The following ACSS1 variants were observed in gnomAD, a reference collection of about 807,000 sequenced individuals.
ACSS1 encodes acetyl-coenzyme A synthetase 2-like, mitochondrial.
Under a neutral mutation model 75.3 loss-of-function variants are expected in ACSS1, and 42 were observed. The ratio of observed to expected loss-of-function variants is 0.56; its 90% CI spans 0.44 to 0.72. The LOEUF (loss-of-function observed/expected upper bound fraction) is 0.72, where lower values mean the gene tolerates loss of function less well. ACSS1 is among the 30% of genes least tolerant of loss of function. The pLI, the probability that ACSS1 is intolerant of heterozygous loss-of-function variation, is 0.00. For missense variants in ACSS1, 782 were observed against 935.7 expected, an observed-to-expected ratio of 0.84 and a Z score of 2.14; for synonymous variants, 380 against 376.8, an observed-to-expected ratio of 1.01 and a Z score of -0.10.
rs2088463190 is a variant in ACSS1, at chr20:25,013,732, C to T, written c.1453-70G>A. 3.2e-6 allele frequency: 5 copies of T among 1,540,064 alleles called. No individual in the cohort carries two copies. In the South Asian group the frequency reaches 4.7e-5, roughly 15 times the overall value. On this transcript the variant is annotated intron_variant, in intron 9 of 13. Coordinates refer to ENST00000323482, the MANE Select transcript of ACSS1 (RefSeq NM_032501.4). ...GAGAAGTGTGCCAAAAAATGACAAG[C>T]CCTGCCCTCAAGGGAGCTGTCCATA...
intron 2 of ACSS1, among the ~76,000 whole-genome samples, chr20:25,033,116 C>T (rs1334204960): frequency 6.6e-6 from 1 of 151,620 alleles, no homozygotes; most frequent in African/African-American, 2.4e-5. Flanking sequence ...GCTGGGGTGG[C>T]CTGTGACCGG....
chr20:25,055,815 C>T (rs1393744471), intron 1 of ACSS1, among the ~76,000 whole-genome samples: 2 of 152,158 alleles, frequency 1.3e-5, no homozygotes, highest in Non-Finnish European at 2.9e-5. Flanking sequence ...ACAGATCAGA[C>T]CAAAGTGTTC....
At chr20:25,031,784 G>C (rs747159609) in intron 2 of ACSS1, among the ~76,000 whole-genome samples, 2 of 152,200 alleles carry the variant, frequency 1.3e-5, no homozygotes, top group Non-Finnish European at 2.9e-5. Context: ...AGTGTCTGAG[G>C]CATAGATCAT....
In ACSS1 at chr20:25,037,041, G is replaced by GAA. The variant is rs1253876119; in HGVS notation, c.432-6084_432-6083insTT. The stretch of plus-strand genomic sequence containing the variant: ...GGAAGGAAGGAAGGAAAGAAAGAAA[G>GAA]AGGGAAAGAAAGAAATTGAGAATGC... On this transcript the variant is annotated intron_variant, in intron 2 of 13. Coordinates refer to ENST00000323482, the MANE Select transcript of ACSS1 (RefSeq NM_032501.4). Among the ~76,000 whole-genome samples, 6 of 151,466 alleles carry GAA rather than the reference G, an allele frequency of 4.0e-5. No individual in the cohort carries two copies. In the East Asian group the frequency reaches 5.8e-4, roughly 15 times the overall value.
At chr20:25,008,046 C>T in intron 13 of ACSS1, 105 bp from the exon 14 acceptor site, 1 of 1,366,442 alleles carries the variant, frequency 7.3e-7, no homozygotes, top group Non-Finnish European at 9.8e-7. Context: ...GGGATGCCCT[C>T]CCGGGGATCC....
intron 7 of ACSS1, among the ~76,000 whole-genome samples, chr20:25,018,788 T>A (rs1015741808): frequency 6.6e-6 from 1 of 152,236 alleles, no homozygotes; most frequent in Non-Finnish European, 1.5e-5. Context: ...AGGTTTTTAC[T>A]GTTAATGGGG....
At chr20:25,047,284 C>T (rs2089109217) in intron 2 of ACSS1, among the ~76,000 whole-genome samples, 1 of 152,180 alleles carries the variant, frequency 6.6e-6, no homozygotes, top group African/African-American at 2.4e-5. Context: ...GCCACATGCA[C>T]CTTCCCTCTA....
At chr20:25,047,426 C>A (rs1465208815) in intron 2 of ACSS1, among the ~76,000 whole-genome samples, 1 of 152,236 alleles carries the variant, frequency 6.6e-6, no homozygotes, top group Non-Finnish European at 1.5e-5. Context: ...GCCACCCAGC[C>A]ACACTCTGCC....
Position 25,022,985 on chromosome 20 carries a change from GA to G in ACSS1, c.914del (p.Val305AlafsTer13). On this transcript the variant is annotated frameshift_variant, in exon 5 of 14. Transcript: ENST00000323482. LOFTEE classifies it high-confidence loss of function. ...AGAGCAGGTAGCCTGCCTGGGTATG[GA>G]CGATGCCCTTGGGCATTCCGGTGCT... ...SGSTGMPKGI[V>X]HTQAGYLLYA... 1 of 1,614,092 alleles carries G rather than the reference GA, an allele frequency of 6.2e-7. No individual in the cohort carries two copies. The highest frequency in any genetic ancestry group is 8.5e-7 in the Non-Finnish European group (1 of 1,180,028).
intron 8 of ACSS1, among the ~76,000 whole-genome samples, chr20:25,014,643 G>A (rs1415085219): frequency 6.6e-6 from 1 of 152,118 alleles, no homozygotes. Flanking sequence ...CTCCTAATAA[G>A]TCAGATACCC....
chr20:25,009,421 A>T, intron 12 of ACSS1, 33 bp from the exon 13 acceptor site: 1 of 1,571,532 alleles, frequency 6.4e-7, no homozygotes, highest in African/African-American at 1.3e-5. Context: ...GGATGTATTA[A>T]ATACTAGACA....
intron 2 of ACSS1, among the ~76,000 whole-genome samples, chr20:25,047,178 C>T (rs1471261616): frequency 1.3e-5 from 2 of 152,202 alleles, no homozygotes; most frequent in Non-Finnish European, 2.9e-5. Flanking sequence ...CCAGGTCACC[C>T]GAGTGGCAGG....
Position 25,006,377 on chromosome 20 carries a change from T to C in ACSS1, c.*1385A>G, listed in dbSNP as rs912392991. 5 of 160,504 alleles carry C rather than the reference T, an allele frequency of 3.1e-5. No individual in the cohort carries two copies. In the South Asian group the frequency reaches 7.2e-4, roughly 23 times the overall value. The allele number at this position is 160,504 out of a possible 1,614,324, so 9.9% of individuals were successfully genotyped here. A position where few individuals can be genotyped will look rare whatever the true frequency, so the allele number is the denominator to read the frequency against. On this transcript the variant is annotated 3_prime_UTR_variant, in exon 14 of 14. Transcript: ENST00000323482. ...ACTGTAGCTACACTACAGCCCCCCATGCCCAGGGCACAGCTTTGTTGCTAA... is the reference window on the plus strand; with the variant it reads ...ACTGTAGCTACACTACAGCCCCCCACGCCCAGGGCACAGCTTTGTTGCTAA...
intron 2 of ACSS1, among the ~76,000 whole-genome samples, chr20:25,047,174 C>T (rs1357884784): frequency 6.6e-6 from 1 of 152,206 alleles, no homozygotes; most frequent in Admixed American, 6.5e-5. Flanking sequence ...GCCCCCAGGT[C>T]ACCCGAGTGG....
intron 7 of ACSS1, 151 bp downstream of exon 7, chr20:25,019,859 C>T (rs2088586841): frequency 1.7e-6 from 2 of 1,147,080 alleles, no homozygotes; most frequent in South Asian, 1.5e-5. Context: ...GGAAGAGGTG[C>T]TGGTGCTTTC....
rs2088622362 is a variant in ACSS1 at position 25,021,406 on chromosome 20, G to A, written c.1091C>T (p.Pro364Leu). Residue 364 changes from proline to leucine, a missense_variant, in exon 6 of 14, where the codon CCA (proline) becomes CTA (leucine). By Grantham distance (98) the Pro-to-Leu change is moderately conservative. Around this residue, in one of 2 missense-constraint regions of ACSS1, gnomAD observed 405 missense variants for 552.6 expected, o/e 0.73. Coordinates refer to ENST00000323482, the MANE Select transcript of ACSS1 (RefSeq NM_032501.4). ...GATSVLFEST[P>L]VYPNAGRYWE... ...ATCCTTACCAGCATTGGGATAAACTGGGGTGCTCTCAAAAAGGACGCTGGT... is the reference window on the plus strand; with the variant it reads ...ATCCTTACCAGCATTGGGATAAACTAGGGTGCTCTCAAAAAGGACGCTGGT... 1.2e-6 allele frequency: 2 copies of A among 1,614,138 alleles called. No homozygotes were observed. Among genetic ancestry groups the A allele is most frequent in the South Asian group, 2.2e-5 (2 of 91,068 alleles).
Position 25,006,849 on chromosome 20 carries a change from C to G in ACSS1, c.*913G>C. ...TCAGGCAGCGTTTGCCAGGATTTGG[C>G]TCTGACCAAGTTAGTGCTCTAACAA... On this transcript the variant is annotated 3_prime_UTR_variant, in exon 14 of 14. Transcript: ENST00000323482. The G allele has an allele frequency of 6.5e-7, 1 of 1,535,502 alleles. No individual in the cohort carries two copies.
rs2089264949 is a variant in ACSS1 at position 25,057,789 on chromosome 20, C to T, written c.314G>A (p.Gly105Glu). The T allele has an allele frequency of 1.3e-6, 2 of 1,589,786 alleles. No homozygotes were observed. Among genetic ancestry groups the T allele is most frequent in the Admixed American group, 3.4e-5 (2 of 59,034 alleles). Residue 105 changes from glycine (G) to glutamate (E), a missense_variant, in exon 1 of 14, where the codon GGA (glycine) becomes GAA (glutamate). Coordinates refer to ENST00000323482, the MANE Select transcript of ACSS1 (RefSeq NM_032501.4). ...FSTGKIGWFL[G>E]GQLNVSVNCL... is the part of the protein sequence containing the mutation. ...CTCACCAGAGACATTTAACTGGCCT[C>T]CCAGGAACCAGCCGATCTTGCCAGT...
chr20:25,032,986 C>T (rs538205294), intron 2 of ACSS1, among the ~76,000 whole-genome samples: 1 of 152,348 alleles, frequency 6.6e-6, no homozygotes, highest in African/African-American at 2.4e-5. Flanking sequence ...AGTGGCGCCC[C>T]ACCCACGCAC....
Sources: allele counts gnomAD v4.1 joint callset (sites outside exome capture counted in the v4.1 genomes callset), GRCh38; gene constraint gnomAD v4.1.1; regional missense constraint gnomAD v4.1.1; transcripts MANE v1.5; gene names NCBI Gene and HGNC (gene_info 2026-07-23, HGNC 2026-07-21).